Variants in VWC2 observed in about 807,000 individuals in gnomAD.
VWC2 encodes the protein brorin.
A neutral mutation model predicts 29.8 loss-of-function variants in VWC2; 14 were observed. That is an observed-to-expected ratio of 0.47 (90% CI 0.31 to 0.74). The LOEUF (loss-of-function observed/expected upper bound fraction) is 0.74, where lower values mean the gene tolerates loss of function less well. Among genes scored for constraint, VWC2 ranks in the 30% least tolerant of loss-of-function variants. VWC2 has a pLI of 0.05. For synonymous variants in VWC2, 213 were observed against 199.0 expected, an observed-to-expected ratio of 1.07 and a Z score of -0.59; for missense variants, 457 against 459.8, an observed-to-expected ratio of 0.99 and a Z score of 0.05.
At chr7:49,875,523 C>G (rs1791382206) in intron 3 of VWC2, among the ~76,000 whole-genome samples, 1 of 151,528 alleles carries the variant, frequency 6.6e-6, no homozygotes, top group Non-Finnish European at 1.5e-5. Flanking sequence ...AGCCAGTGTC[C>G]TTGGTGTGTG....
At chr7:49,794,579 A>T (rs1360059505) in intron 2 of VWC2, among the ~76,000 whole-genome samples, 1 of 152,172 alleles carries the variant, frequency 6.6e-6, no homozygotes, top group Non-Finnish European at 1.5e-5. Context: ...TGTGGTTTGA[A>T]GAGGTTATTG....
intron 3 of VWC2, among the ~76,000 whole-genome samples, chr7:49,810,553 A>T (rs1007525484): frequency 2.0e-5 from 3 of 152,152 alleles, no homozygotes; most frequent in Non-Finnish European, 2.9e-5. Context: ...TTCATGCAGA[A>T]TGTAAAGGAT....
rs1793893844 is a variant in VWC2, at chr7:49,919,261, A to G, written c.*7076A>G. The G allele has an allele frequency of 6.6e-6, 1 of 152,170 alleles. No homozygotes were observed. The highest frequency in any genetic ancestry group is 6.5e-5 in the Admixed American group (1 of 15,276). 9.4% of individuals were successfully genotyped at this position (152,170 alleles called of 1,614,324 possible). A position where few individuals can be genotyped will look rare whatever the true frequency, so the allele number is the denominator to read the frequency against. Reference sequence around the variant, plus strand: ...CAATTTAGACCTGGGTGATAGAGTCATATATGGTCTTTGGACCCATGAAGC... The same window carrying G: ...CAATTTAGACCTGGGTGATAGAGTCGTATATGGTCTTTGGACCCATGAAGC... On this transcript the variant is annotated 3_prime_UTR_variant, in exon 4 of 4. Transcript: ENST00000340652.
intron 3 of VWC2, among the ~76,000 whole-genome samples, chr7:49,892,890 C>T (rs376663505): frequency 3.3e-5 from 5 of 152,330 alleles, no homozygotes; most frequent in South Asian, 4.1e-4. Flanking sequence ...CTGCCCCTTT[C>T]GCTGAGGTTC....
Position 49,913,864 on chromosome 7 carries a change from TAGTA to T in VWC2, c.*1684_*1687del, listed in dbSNP as rs1793587860. ...TGAAAAATTAAACTATTGTGAACCT[TAGTA>T]AGTATAAAGATGCCACTGACTGAGT... On this transcript the variant is annotated 3_prime_UTR_variant, in exon 4 of 4. Transcript: ENST00000340652. 6.8e-6 allele frequency: 1 copy of T among 147,930 alleles called. No individual in the cohort carries two copies. The highest frequency in any genetic ancestry group is 2.7e-5 in the African/African-American group (1 of 37,420). 9.2% of individuals were successfully genotyped at this position (147,930 alleles called of 1,614,324 possible). A position where few individuals can be genotyped will look rare whatever the true frequency, so the allele number is the denominator to read the frequency against.
chr7:49,807,160 G>A (rs1788898284), intron 3 of VWC2, among the ~76,000 whole-genome samples: 1 of 152,120 alleles, frequency 6.6e-6, no homozygotes. Flanking sequence ...CTAAGTAAAA[G>A]GAGGGATATA....
At chr7:49,871,529 G>A (rs1195014680) in intron 3 of VWC2, among the ~76,000 whole-genome samples, 1 of 152,076 alleles carries the variant, frequency 6.6e-6, no homozygotes, top group African/African-American at 2.4e-5. Flanking sequence ...TCCATTATGT[G>A]TCTTTAAGCA....
chr7:49,850,492 G>A (rs1052573240), intron 3 of VWC2: 1 of 152,200 alleles, frequency 6.6e-6, no homozygotes, highest in Non-Finnish European at 1.5e-5. Flanking sequence ...ACAAGGAGAT[G>A]GACAGGGGCT....
chr7:49,867,844 TA>T (rs142765678), intron 3 of VWC2, among the ~76,000 whole-genome samples: 28,492 of 148,862 alleles, frequency 0.19, 3,816 homozygotes, highest in East Asian at 0.64. Flanking sequence ...TATTTTATTT[TA>T]TTTTTTGAGG....
chr7:49,848,333 G>A (rs561235256), intron 3 of VWC2, among the ~76,000 whole-genome samples: 3 of 152,168 alleles, frequency 2.0e-5, no homozygotes, highest in Non-Finnish European at 4.4e-5. Flanking sequence ...TCTCTCCTGT[G>A]GGGTAGCTCC....
At chr7:49,871,908 AACACACACACACACACACACAC>A (rs72332840) in intron 3 of VWC2, among the ~76,000 whole-genome samples, 2,634 of 87,912 alleles carry the variant, frequency 0.03, 138 homozygotes, top group South Asian at 0.17. Context: ...TGTGTATATA[AACACACACACACACACACACAC>A]ACACACACAC....
At chr7:49,792,686 G>T (rs530219136) in intron 2 of VWC2, among the ~76,000 whole-genome samples, 1 of 152,148 alleles carries the variant, frequency 6.6e-6, no homozygotes, top group Non-Finnish European at 1.5e-5. Flanking sequence ...CTGTCCTGGC[G>T]GCCAGAGGTC....
rs1018967380 is a variant in VWC2, at chr7:49,918,135, A to G, written c.*5950A>G. On this transcript the variant is annotated 3_prime_UTR_variant, in exon 4 of 4. Coordinates refer to ENST00000340652, the MANE Select transcript of VWC2 (RefSeq NM_198570.5). ...TTTCCTTCACTTATTATCACATTTA[A>G]CCTCACAGTTCTCCCAAATTGTGGG... 6.6e-6 allele frequency: 1 copy of G among 152,182 alleles called. No homozygotes were observed. Among genetic ancestry groups the G allele is most frequent in the African/African-American group, 2.4e-5 (1 of 41,456 alleles). 9.4% of individuals were successfully genotyped at this position (152,182 alleles called of 1,614,324 possible). A position where few individuals can be genotyped will look rare whatever the true frequency, so the allele number is the denominator to read the frequency against.
chr7:49,822,242 A>G (rs1391385262), intron 3 of VWC2, among the ~76,000 whole-genome samples: 1 of 152,064 alleles, frequency 6.6e-6, no homozygotes, highest in Non-Finnish European at 1.5e-5. Context: ...TGCCATTGTT[A>G]ATGCAGTTAT....
chr7:49,842,478 A>AAATGAGAT (rs1468558248), intron 3 of VWC2, among the ~76,000 whole-genome samples: 5 of 152,222 alleles, frequency 3.3e-5, no homozygotes, highest in African/African-American at 1.2e-4. Context: ...ACAGGAGAGT[A>AAATGAGAT]AATGAGATTA....
chr7:49,862,598 T>C (rs1210427054), intron 3 of VWC2, among the ~76,000 whole-genome samples: 1 of 152,100 alleles, frequency 6.6e-6, no homozygotes, highest in Admixed American at 6.5e-5. Flanking sequence ...TAGCTGTAGG[T>C]TTTTCATAAA....
intron 3 of VWC2, among the ~76,000 whole-genome samples, chr7:49,818,742 C>T (rs902804253): frequency 6.7e-6 from 1 of 149,980 alleles, no homozygotes; most frequent in African/African-American, 2.4e-5. Flanking sequence ...ATATGTATAT[C>T]TTCATATAAA....
At chr7:49,789,004 G>A (rs1788382166) in intron 2 of VWC2, among the ~76,000 whole-genome samples, 1 of 148,862 alleles carries the variant, frequency 6.7e-6, no homozygotes, top group Admixed American at 6.7e-5. Flanking sequence ...GTGGGTGCAT[G>A]CTTGAAAGTG....
rs139494830 is a variant in VWC2, at chr7:49,789,353, CTG to C, written c.696+13235_696+13236del. On this transcript the variant is annotated intron_variant, in intron 2 of 3. Coordinates refer to ENST00000340652, the MANE Select transcript of VWC2 (RefSeq NM_198570.5). ...TGGGTGCGTGTGAGTGTATATGTGGCTGTGTGTGTGTGTGAGTGTGAGTGTGT... is the reference window on the plus strand; with the variant it reads ...TGGGTGCGTGTGAGTGTATATGTGGCTGTGTGTGTGTGAGTGTGAGTGTGT... 2.8e-3 allele frequency among the ~76,000 whole-genome samples: 404 copies of C among 145,656 alleles called. 1 individual carries two copies. Among genetic ancestry groups the C allele is most frequent in the African/African-American group, 8.9e-3 (350 of 39,410 alleles).
Sources: gnomAD v4.1 joint callset for allele counts (sites outside exome capture counted in the v4.1 genomes callset) on GRCh38, gnomAD v4.1.1 for gene constraint, MANE v1.5 for transcripts, NCBI Gene and HGNC (gene_info 2026-07-23, HGNC 2026-07-21) for gene names.